RIMS2: variants seen among roughly 807,000 people sequenced by gnomAD.
RIMS2 encodes the protein regulating synaptic membrane exocytosis 2.
In RIMS2, 59 loss-of-function variants were observed where a neutral mutation model predicts 174.4. The observed-to-expected ratio is 0.34, with a 90% CI of 0.27 to 0.42. The LOEUF (loss-of-function observed/expected upper bound fraction) is 0.42, where lower values mean the gene tolerates loss of function less well. Ranked by LOEUF, RIMS2 falls within the 10% of genes least tolerant of loss-of-function variation. RIMS2 has a pLI of 1.00. For synonymous variants in RIMS2, 606 were observed against 572.5 expected (o/e 1.06, Z -0.84); for missense variants, 1,620 against 1,666.3 (o/e 0.97, Z 0.48).
intron 1 of RIMS2, among the ~76,000 whole-genome samples, chr8:103,534,106 A>T (rs951269717): frequency 6.6e-5 from 10 of 152,342 alleles, no homozygotes; most frequent in African/African-American, 2.4e-4. Flanking sequence ...TGCAAAATTG[A>T]TAAATTTCTG....
chr8:104,179,712 TG>T (rs905911197), intron 19 of RIMS2, among the ~76,000 whole-genome samples: 32 of 151,814 alleles, frequency 2.1e-4, no homozygotes, highest in African/African-American at 7.2e-4. Flanking sequence ...ATTATTACCT[TG>T]TTTTTTTTTT....
At chr8:104,124,858 A>AT (rs2098415560) in intron 19 of RIMS2, among the ~76,000 whole-genome samples, 1 of 152,194 alleles carries the variant, frequency 6.6e-6, no homozygotes, top group Non-Finnish European at 1.5e-5. Flanking sequence ...GACAATCAGC[A>AT]TTCTGTGATT....
chr8:103,883,793 A>G (rs887949069), intron 3 of RIMS2, among the ~76,000 whole-genome samples: 8 of 151,844 alleles, frequency 5.3e-5, no homozygotes, highest in African/African-American at 1.9e-4. Flanking sequence ...ATGGGCAGAT[A>G]TAAAAGTCTT....
intron 1 of RIMS2, among the ~76,000 whole-genome samples, chr8:103,547,111 C>G (rs543068872): frequency 1.3e-5 from 2 of 152,224 alleles, no homozygotes; most frequent in South Asian, 2.1e-4. Flanking sequence ...AAAAGATGTA[C>G]TTTTCATGAA....
intron 3 of RIMS2, among the ~76,000 whole-genome samples, chr8:103,818,081 T>C (rs2098729109): frequency 6.6e-6 from 1 of 152,088 alleles, no homozygotes; most frequent in Non-Finnish European, 1.5e-5. Flanking sequence ...CATCTTATTT[T>C]AAAAAATGGT....
chr8:103,915,343 A>G (rs2076454576), intron 6 of RIMS2, 152 bp from the exon 10 acceptor site: 2 of 466,432 alleles, frequency 4.3e-6, no homozygotes, highest in Non-Finnish European at 7.7e-6. Flanking sequence ...TGCTAACCTA[A>G]TAGAGACAAT....
At chr8:103,821,166 T>G (rs113212217) in intron 3 of RIMS2, among the ~76,000 whole-genome samples, 8 of 151,652 alleles carry the variant, frequency 5.3e-5, no homozygotes, top group African/African-American at 1.9e-4. Flanking sequence ...AAATAACTAT[T>G]TTTTGAGGGA....
At chr8:103,916,108 A>G (rs1023194248) in intron 7 of RIMS2, among the ~76,000 whole-genome samples, 7 of 152,056 alleles carry the variant, frequency 4.6e-5, no homozygotes, top group Admixed American at 6.6e-5. Context: ...TGGAGTATAG[A>G]GTCATAAAAT....
chr8:104,132,429 A>C (rs915174366), intron 19 of RIMS2, among the ~76,000 whole-genome samples: 4 of 152,300 alleles, frequency 2.6e-5, no homozygotes, highest in African/African-American at 7.2e-5. Flanking sequence ...TTGGAACTCC[A>C]GTCTCATGAG....
At chr8:104,021,158 T>C (rs2096074986) in intron 19 of RIMS2, among the ~76,000 whole-genome samples, 2 of 152,120 alleles carry the variant, frequency 1.3e-5, no homozygotes, top group South Asian at 2.1e-4. Context: ...TTCTTCCCTG[T>C]CTTCATCTTT....
chr8:103,847,746 T>A (rs903048311), intron 3 of RIMS2, among the ~76,000 whole-genome samples: 3 of 151,878 alleles, frequency 2.0e-5, no homozygotes, highest in South Asian at 2.1e-4. Context: ...CATGTTGAGG[T>A]TGGGGAGGGG....
chr8:104,134,620 G>C (rs758697722), intron 19 of RIMS2, among the ~76,000 whole-genome samples: 4 of 152,174 alleles, frequency 2.6e-5, no homozygotes, highest in Non-Finnish European at 5.9e-5. Flanking sequence ...CTATGGTGTT[G>C]GCTATTGTTT....
intron 1 of RIMS2, among the ~76,000 whole-genome samples, chr8:103,539,864 T>C (rs1209067549): frequency 2.0e-5 from 3 of 152,220 alleles, no homozygotes; most frequent in Non-Finnish European, 4.4e-5. Flanking sequence ...ATTCCAGACA[T>C]TGGAGCCATT....
intron 19 of RIMS2, among the ~76,000 whole-genome samples, chr8:104,236,297 A>G (rs887563465): frequency 6.6e-6 from 1 of 152,034 alleles, no homozygotes; most frequent in African/African-American, 2.4e-5. Context: ...TTTTCTCTTT[A>G]TAATTACTAA....
At chr8:104,134,744 T>C (rs2098504243) in intron 19 of RIMS2, among the ~76,000 whole-genome samples, 1 of 152,190 alleles carries the variant, frequency 6.6e-6, no homozygotes, top group Non-Finnish European at 1.5e-5. Flanking sequence ...TATCATTTTG[T>C]CCCTTCTTAA....
chr8:103,505,946 T>C (rs1296654533), intron 1 of RIMS2, among the ~76,000 whole-genome samples: 1 of 152,174 alleles, frequency 6.6e-6, no homozygotes, highest in East Asian at 1.9e-4. Flanking sequence ...GGACCTTGTT[T>C]ATGCCTTTTT....
intron 19 of RIMS2, among the ~76,000 whole-genome samples, chr8:104,185,200 T>C (rs914931395): frequency 4.6e-5 from 7 of 151,546 alleles, no homozygotes; most frequent in Admixed American, 3.3e-4. Context: ...GCATACGATC[T>C]TGCTTAATTA....
At chr8:103,828,645 T>A (rs1400885243) in intron 3 of RIMS2, among the ~76,000 whole-genome samples, 2 of 152,154 alleles carry the variant, frequency 1.3e-5, no homozygotes, top group Non-Finnish European at 2.9e-5. Context: ...CATGAAACCT[T>A]TGTCAGGTCC....
intron 3 of RIMS2, chr8:103,819,266 C>T: frequency 7.6e-7 from 1 of 1,319,830 alleles, no homozygotes; most frequent in Non-Finnish European, 9.7e-7. Context: ...GTTTAGAATT[C>T]TTGCTACAGT....
Sources: allele counts gnomAD v4.1 joint callset (sites outside exome capture counted in the v4.1 genomes callset), GRCh38; gene constraint gnomAD v4.1.1; transcripts MANE v1.5; gene names NCBI Gene and HGNC (gene_info 2026-07-23, HGNC 2026-07-21).